The following RHBDD1 variants were observed in gnomAD, a reference collection of about 807,000 sequenced individuals.
The protein encoded by RHBDD1 is rhomboid domain containing 1, also known as rhomboid-related protein 4.
Under a neutral mutation model 36.3 loss-of-function variants are expected in RHBDD1, and 38 were observed. That is an observed-to-expected ratio of 1.05 (90% CI 0.81 to 1.37). The LOEUF (loss-of-function observed/expected upper bound fraction) is 1.37. Ranked by LOEUF, RHBDD1 falls within the 40% of genes most tolerant of loss-of-function variation. The probability of loss-of-function intolerance (pLI) is 0.00; values close to 1 mark genes in which losing one functional copy is unlikely to be tolerated. For synonymous variants in RHBDD1, 151 were observed against 136.5 expected (o/e 1.11, Z -0.74); for missense variants, 393 against 377.6 (o/e 1.04, Z -0.34).
intron 3 of RHBDD1, among the ~76,000 whole-genome samples, chr2:226,853,936 G>A (rs1943076187): frequency 6.6e-6 from 1 of 152,148 alleles, no homozygotes; most frequent in African/African-American, 2.4e-5. Flanking sequence ...TGATTTTCTT[G>A]GCCGGTGGTG....
chr2:226,943,476 G>A (rs1010792878), intron 8 of RHBDD1, among the ~76,000 whole-genome samples: 9 of 152,140 alleles, frequency 5.9e-5, no homozygotes, highest in Non-Finnish European at 1.0e-4. Context: ...TCAACTCAAT[G>A]AGTCTAAAAG....
chr2:226,819,200 T>TA, the RHBDD1 span, among the ~76,000 whole-genome samples: 1 of 152,354 alleles, frequency 6.6e-6, no homozygotes, highest in South Asian at 2.1e-4. Context: ...CATTCAGACT[T>TA]ATTCTGATGC....
At chr2:226,991,819 T>A (rs1459903820) in intron 8 of RHBDD1, among the ~76,000 whole-genome samples, 1 of 152,226 alleles carries the variant, frequency 6.6e-6, no homozygotes, top group Non-Finnish European at 1.5e-5. Flanking sequence ...GAAAGGACCC[T>A]GGAAGTCCCC....
the RHBDD1 span, among the ~76,000 whole-genome samples, chr2:226,823,175 G>A: frequency 6.6e-6 from 1 of 152,146 alleles, no homozygotes; most frequent in Admixed American, 6.5e-5. Context: ...TTGTCCTGCT[G>A]CTATGTGAGG....
rs1959233206 is a variant in RHBDD1, at chr2:226,996,223, C to T, written c.*701C>T. 5 of 152,420 alleles carry T rather than the reference C, an allele frequency of 3.3e-5. No individual in the cohort carries two copies. The highest frequency in any genetic ancestry group is 3.3e-4 in the Admixed American group (5 of 15,294). The allele number at this position is 152,420 out of a possible 1,614,324, so 9.4% of individuals were successfully genotyped here. A position where few individuals can be genotyped will look rare whatever the true frequency, so the allele number is the denominator to read the frequency against. On this transcript the variant is annotated 3_prime_UTR_variant, in exon 9 of 9. Coordinates refer to ENST00000392062, the MANE Select transcript of RHBDD1 (RefSeq NM_001167608.3). ...GCAATGTAGGTTCCCAGCCCCTTCC[C>T]AGTGGCAGCTTGTGTGTCCAGGAGA...
intron 8 of RHBDD1, among the ~76,000 whole-genome samples, chr2:226,975,996 G>T (rs1424332263): frequency 6.6e-6 from 1 of 151,806 alleles, no homozygotes; most frequent in Non-Finnish European, 1.5e-5. Flanking sequence ...GTTGAAAATA[G>T]GTCTCCTGCC....
At chr2:226,943,791 A>G (rs1455086478) in intron 8 of RHBDD1, among the ~76,000 whole-genome samples, 1 of 152,248 alleles carries the variant, frequency 6.6e-6, no homozygotes, top group Non-Finnish European at 1.5e-5. Flanking sequence ...CCTATTTTGC[A>G]TATAACTTTG....
At chr2:226,839,323 C>T (rs768498659) in intron 2 of RHBDD1, 86 bp from the exon 3 acceptor site, 25 of 152,100 alleles carry the variant, frequency 1.6e-4, no homozygotes, top group Non-Finnish European at 3.1e-4. Flanking sequence ...CTATTAAAAA[C>T]GGAAGCGATT....
chr2:226,847,374 T>G (rs190669099), intron 3 of RHBDD1, among the ~76,000 whole-genome samples: 64 of 152,354 alleles, frequency 4.2e-4, no homozygotes, highest in Non-Finnish European at 3.2e-4. Flanking sequence ...TTTCAAAGCC[T>G]GGCTGGGGTG....
At chr2:226,994,686 T>A (rs1168511204) in intron 8 of RHBDD1, among the ~76,000 whole-genome samples, 1 of 152,224 alleles carries the variant, frequency 6.6e-6, no homozygotes, top group Non-Finnish European at 1.5e-5. Flanking sequence ...AGGTTGCTGG[T>A]TCCTTGAGAT....
chr2:226,808,034 C>G, the RHBDD1 span, among the ~76,000 whole-genome samples: 1 of 151,964 alleles, frequency 6.6e-6, no homozygotes, highest in African/African-American at 2.4e-5. Context: ...AAGAGACACT[C>G]TGGAAGCTCT....
At chr2:226,911,370 A>T (rs1386155840) in intron 7 of RHBDD1, among the ~76,000 whole-genome samples, 3 of 152,138 alleles carry the variant, frequency 2.0e-5, no homozygotes, top group African/African-American at 7.2e-5. Flanking sequence ...ATTGGCATTC[A>T]TAGGGAATTG....
chr2:226,991,899 G>A (rs145044485), intron 8 of RHBDD1, among the ~76,000 whole-genome samples: 130 of 152,276 alleles, frequency 8.5e-4, no homozygotes, highest in African/African-American at 3.0e-3. Flanking sequence ...TGTGAAGGGT[G>A]TCTCCACGAG....
chr2:226,921,651 C>T (rs373818765), intron 8 of RHBDD1, among the ~76,000 whole-genome samples: 5 of 152,088 alleles, frequency 3.3e-5, no homozygotes, highest in African/African-American at 1.2e-4. Flanking sequence ...TCCAAAATTC[C>T]TCTTTTTAGT....
chr2:226,994,569 C>G (rs1958990137), intron 8 of RHBDD1, among the ~76,000 whole-genome samples: 1 of 152,132 alleles, frequency 6.6e-6, no homozygotes, highest in Non-Finnish European at 1.5e-5. Flanking sequence ...AAGGTACAGC[C>G]TTTTTGGTCC....
chr2:226,826,204 G>C, the RHBDD1 span, among the ~76,000 whole-genome samples: 6 of 152,158 alleles, frequency 3.9e-5, no homozygotes, highest in African/African-American at 1.4e-4. Flanking sequence ...GAAATAGAAT[G>C]ATCTATTTAT....
intron 8 of RHBDD1, chr2:226,988,291 C>G: frequency 6.5e-7 from 1 of 1,535,248 alleles, no homozygotes. Context: ...GTCTCTTCCC[C>G]TGTCCTTCCC....
rs144947919 is a variant in RHBDD1, at chr2:226,922,906, A to G, written c.856+8555A>G. On this transcript the variant is annotated intron_variant, in intron 8 of 8. Coordinates refer to ENST00000392062, the MANE Select transcript of RHBDD1 (RefSeq NM_001167608.3). Reference sequence around the variant, plus strand: ...CAAGCAAGCAAAGAGAAAATGAATAAAAACTCTACACTTTAACTTTGTCCC... The same window carrying G: ...CAAGCAAGCAAAGAGAAAATGAATAGAAACTCTACACTTTAACTTTGTCCC... 2.6e-5 allele frequency among the ~76,000 whole-genome samples: 4 copies of G among 152,336 alleles called. No individual in the cohort carries two copies. The East Asian group carries it at 7.7e-4, about 29-fold the overall frequency.
At chr2:226,933,142 C>T (rs537097465) in intron 8 of RHBDD1, among the ~76,000 whole-genome samples, 2 of 152,010 alleles carry the variant, frequency 1.3e-5, no homozygotes, top group African/African-American at 4.8e-5. Flanking sequence ...TGGAAGAAAC[C>T]GCCCCTGTGA....
Sources: allele counts gnomAD v4.1 joint callset (sites outside exome capture counted in the v4.1 genomes callset), GRCh38; gene constraint gnomAD v4.1.1; transcripts MANE v1.5; gene names NCBI Gene and HGNC (gene_info 2026-07-23, HGNC 2026-07-21).